The following P4HA1 variants were observed in gnomAD, a reference collection of about 807,000 sequenced individuals.
P4HA1 encodes prolyl 4-hydroxylase subunit alpha 1.
Under a neutral mutation model 72.8 loss-of-function variants are expected in P4HA1, and 24 were observed. The ratio of observed to expected loss-of-function variants is 0.33; its 90% confidence interval spans 0.24 to 0.46. P4HA1 has a LOEUF of 0.46. Among genes scored for constraint, P4HA1 ranks in the 20% least tolerant of loss-of-function variants. The pLI is 1.00. For synonymous variants in P4HA1, 201 were observed against 218.8 expected (o/e 0.92, Z 0.72); for missense variants, 446 against 640.6 (o/e 0.70, Z 3.28).
At chr10:73,010,697 TG>T (rs1483154971) in intron 13 of P4HA1, among the ~76,000 whole-genome samples, 1 of 151,962 alleles carries the variant, frequency 6.6e-6, no homozygotes, top group Admixed American at 6.6e-5. Context: ...AGGGAGACAC[TG>T]TCTCTACAAA....
intron 1 of P4HA1, among the ~76,000 whole-genome samples, chr10:73,084,707 CAA>C (rs1458352864): frequency 6.6e-6 from 1 of 152,118 alleles, no homozygotes; most frequent in East Asian, 1.9e-4. Flanking sequence ...CCGTTATATA[CAA>C]AGAATAACCA....
At chr10:73,076,860 G>C (rs192543970) in intron 1 of P4HA1, among the ~76,000 whole-genome samples, 1 of 152,152 alleles carries the variant, frequency 6.6e-6, no homozygotes, top group African/African-American at 2.4e-5. Flanking sequence ...TGTGACGTGA[G>C]CTAAACCAAA....
chr10:73,060,549 A>G (rs990458077), intron 5 of P4HA1, among the ~76,000 whole-genome samples: 2 of 152,112 alleles, frequency 1.3e-5, no homozygotes, highest in Non-Finnish European at 2.9e-5. Context: ...TAGCCACTGC[A>G]CTCCAGCCTG....
At chr10:73,013,414 T>C (rs1353265120) in intron 12 of P4HA1, among the ~76,000 whole-genome samples, 1 of 152,230 alleles carries the variant, frequency 6.6e-6, no homozygotes, top group African/African-American at 2.4e-5. Flanking sequence ...GCCACATGTA[T>C]TGGCCAGACT....
At chr10:73,028,969 C>T (rs1840366050) in intron 10 of P4HA1, among the ~76,000 whole-genome samples, 1 of 149,456 alleles carries the variant, frequency 6.7e-6, no homozygotes, top group African/African-American at 2.5e-5. Flanking sequence ...CACTTGAGCC[C>T]AGGAAGCAGA....
At chr10:73,047,411 G>A (rs925960863) in intron 7 of P4HA1, among the ~76,000 whole-genome samples, 1 of 151,562 alleles carries the variant, frequency 6.6e-6, no homozygotes, top group African/African-American at 2.4e-5. Flanking sequence ...AAAAAGCCAT[G>A]TTTATGAAAA....
chr10:73,050,375 C>G (rs993185262), intron 7 of P4HA1, among the ~76,000 whole-genome samples: 26 of 151,804 alleles, frequency 1.7e-4, no homozygotes, highest in South Asian at 4.1e-4. Context: ...GTGGCACCCA[C>G]AGAGAGAGAA....
At chr10:73,078,701 T>C (rs1258857763) in intron 1 of P4HA1, among the ~76,000 whole-genome samples, 1 of 132,834 alleles carries the variant, frequency 7.5e-6, no homozygotes, top group Non-Finnish European at 1.5e-5. Flanking sequence ...AACCTCCGCC[T>C]CCCGGGTTCA....
At chr10:73,096,321 C>A (rs537466664) in intron 1 of P4HA1, among the ~76,000 whole-genome samples, 2 of 152,350 alleles carry the variant, frequency 1.3e-5, no homozygotes, top group Admixed American at 1.3e-4. Flanking sequence ...CTCTCCACCG[C>A]CACATGCGAA....
At chr10:73,011,261 C>T (rs942861978) in intron 12 of P4HA1, among the ~76,000 whole-genome samples, 1 of 152,092 alleles carries the variant, frequency 6.6e-6, no homozygotes, top group African/African-American at 2.4e-5. Context: ...TAACAAAAAA[C>T]TATCAGGATG....
intron 10 of P4HA1, among the ~76,000 whole-genome samples, chr10:73,020,926 G>A (rs1028690558): frequency 6.6e-6 from 1 of 152,180 alleles, no homozygotes; most frequent in Non-Finnish European, 1.5e-5. Context: ...CCTGAGGTCA[G>A]GAGTACGAGA....
chr10:73,041,719 C>T (rs940763906), intron 9 of P4HA1, among the ~76,000 whole-genome samples: 1 of 152,086 alleles, frequency 6.6e-6, no homozygotes, highest in Non-Finnish European at 1.5e-5. Flanking sequence ...AGTTTATTAC[C>T]ATTAGATCAT....
intron 10 of P4HA1, among the ~76,000 whole-genome samples, chr10:73,018,487 C>T (rs1024517318): frequency 7.2e-5 from 11 of 152,150 alleles, no homozygotes; most frequent in Non-Finnish European, 1.6e-4. Flanking sequence ...CTGTGCTGCT[C>T]TCTGCCCCAC....
intron 5 of P4HA1, among the ~76,000 whole-genome samples, chr10:73,063,368 C>G (rs191474804): frequency 6.6e-6 from 1 of 152,160 alleles, no homozygotes; most frequent in African/African-American, 2.4e-5. Context: ...CATAAAGCCT[C>G]TTTCATAAGG....
intron 1 of P4HA1, among the ~76,000 whole-genome samples, chr10:73,092,531 T>G (rs1411752779): frequency 6.8e-6 from 1 of 146,644 alleles, no homozygotes; most frequent in East Asian, 2.2e-4. Flanking sequence ...AAAAAAAATT[T>G]TTTTTGTAGA....
At chr10:73,032,005 T>A (rs1840443226) in intron 9 of P4HA1, among the ~76,000 whole-genome samples, 2 of 152,262 alleles carry the variant, frequency 1.3e-5, no homozygotes, top group South Asian at 4.1e-4. Context: ...TAAGCGTATA[T>A]CTCTGTCACC....
At chr10:73,092,416 C>CATAG (rs988885604) in intron 1 of P4HA1, among the ~76,000 whole-genome samples, 1 of 135,748 alleles carries the variant, frequency 7.4e-6, no homozygotes, top group Non-Finnish European at 1.5e-5. Context: ...ATGGTGCTAT[C>CATAG]ATAGCTCACT....
At chr10:73,034,593 T>C (rs1840522123) in intron 9 of P4HA1, among the ~76,000 whole-genome samples, 1 of 151,686 alleles carries the variant, frequency 6.6e-6, no homozygotes, top group African/African-American at 2.4e-5. Flanking sequence ...TGGTTTTTTT[T>C]TTTTTTTTTG....
intron 9 of P4HA1, among the ~76,000 whole-genome samples, chr10:73,036,057 G>A (rs1351111563): frequency 1.3e-5 from 2 of 151,780 alleles, no homozygotes; most frequent in Non-Finnish European, 2.9e-5. Context: ...GTGTGAAGGT[G>A]CACACCTGTA....
Sources: gnomAD v4.1 joint callset for allele counts (sites outside exome capture counted in the v4.1 genomes callset) on GRCh38, gnomAD v4.1.1 for gene constraint, MANE v1.5 for transcripts, NCBI Gene and HGNC (gene_info 2026-07-23, HGNC 2026-07-21) for gene names.